The following ANKRD17 variants were observed in gnomAD, a reference collection of about 807,000 sequenced individuals.
The protein encoded by ANKRD17 is ankyrin repeat domain-containing protein 17.
Under a neutral mutation model 229.7 loss-of-function variants are expected in ANKRD17, and 19 were observed. The observed-to-expected ratio is 0.08, with a 90% CI of 0.06 to 0.12. ANKRD17 has a LOEUF of 0.12. ANKRD17 is among the 10% of genes least tolerant of loss of function. The pLI is 1.00. For synonymous variants in ANKRD17, 1,112 were observed against 1,146.1 expected (o/e 0.97, Z 0.60); for missense variants, 2,176 against 3,176.8 (o/e 0.68, Z 7.57).
At chr4:73,253,136 T>C (rs950470296) in intron 1 of ANKRD17, among the ~76,000 whole-genome samples, 4 of 152,210 alleles carry the variant, frequency 2.6e-5, no homozygotes, top group African/African-American at 9.7e-5. Context: ...CCTGATGAGG[T>C]TGCCTAAAAT....
chr4:73,239,269 T>C (rs1292500131), intron 1 of ANKRD17, among the ~76,000 whole-genome samples: 3 of 152,160 alleles, frequency 2.0e-5, no homozygotes, highest in Non-Finnish European at 2.9e-5. Context: ...GTTACAGAAA[T>C]AGATTCCCAT....
rs1722028638 is a variant in ANKRD17 at position 73,085,538 on chromosome 4, A to G, written c.6962-92T>C. The stretch of plus-strand genomic sequence containing the variant: ...TTCTAAAAGGCCCTAAATATATTCA[A>G]AACTATTTTAGATAATTAAAAAAAT... On this transcript the variant is annotated intron_variant, in intron 29 of 33. Coordinates refer to ENST00000358602, the MANE Select transcript of ANKRD17 (RefSeq NM_032217.5). 4 of 1,106,094 alleles carry G rather than the reference A, an allele frequency of 3.6e-6. No individual in the cohort carries two copies. The Admixed American group carries it at 6.9e-5, about 19-fold the overall frequency. The allele number at this position is 1,106,094 out of a possible 1,614,324, so 68.5% of individuals were successfully genotyped here. A position where few individuals can be genotyped will look rare whatever the true frequency, so the allele number is the denominator to read the frequency against.
chr4:73,204,730 A>G (rs543172934), intron 1 of ANKRD17, among the ~76,000 whole-genome samples: 1 of 152,176 alleles, frequency 6.6e-6, no homozygotes, highest in Non-Finnish European at 1.5e-5. Context: ...CAGACCAGAG[A>G]CATAAGAGAA....
At chr4:73,215,329 G>A (rs1459109276) in intron 1 of ANKRD17, among the ~76,000 whole-genome samples, 1 of 151,514 alleles carries the variant, frequency 6.6e-6, no homozygotes. Context: ...GTGCTATCTC[G>A]GCTCACTGCA....
intron 1 of ANKRD17, among the ~76,000 whole-genome samples, chr4:73,253,069 C>T (rs1293259483): frequency 6.6e-6 from 1 of 152,086 alleles, no homozygotes; most frequent in Non-Finnish European, 1.5e-5. Context: ...AATGAGGAGG[C>T]GTAGAATCTA....
chr4:73,090,219 G>T (rs555418314), intron 29 of ANKRD17, among the ~76,000 whole-genome samples: 22 of 152,244 alleles, frequency 1.4e-4, no homozygotes, highest in Admixed American at 4.6e-4. Context: ...AGACCAGCTT[G>T]GTCAACATGG....
At chr4:73,219,355 C>CA (rs34914964) in intron 1 of ANKRD17, among the ~76,000 whole-genome samples, 30,787 of 151,822 alleles carry the variant, frequency 0.2, 3,979 homozygotes, top group Non-Finnish European at 0.27. Context: ...ACGTATCTGT[C>CA]AAAAAAAGTC....
chr4:73,171,212 A>AGAGAGAGAGAGAGAGAGAGAGG (rs1560646177), intron 2 of ANKRD17, among the ~76,000 whole-genome samples: 1 of 151,458 alleles, frequency 6.6e-6, no homozygotes, highest in African/African-American at 2.4e-5. Context: ...AGAGAGAGAG[A>AGAGAGAGAGAGAGAGAGAGAGG]GAGAGAGAGA....
intron 1 of ANKRD17, among the ~76,000 whole-genome samples, chr4:73,199,127 C>T (rs1738289192): frequency 6.6e-6 from 1 of 151,968 alleles, no homozygotes; most frequent in Non-Finnish European, 1.5e-5. Flanking sequence ...AATCATGTTA[C>T]TGTTATAAAA....
At chr4:73,217,315 G>A (rs746095330) in intron 1 of ANKRD17, among the ~76,000 whole-genome samples, 2 of 151,870 alleles carry the variant, frequency 1.3e-5, no homozygotes, top group Non-Finnish European at 2.9e-5. Context: ...TTCTTTACAG[G>A]GATTAACTAA....
intron 1 of ANKRD17, among the ~76,000 whole-genome samples, chr4:73,185,682 T>C (rs538104444): frequency 6.6e-6 from 1 of 152,114 alleles, no homozygotes; most frequent in Non-Finnish European, 1.5e-5. Context: ...TAACACCACT[T>C]TGGCTACAAA....
At chr4:73,212,534 C>T (rs34788598) in intron 1 of ANKRD17, among the ~76,000 whole-genome samples, 2,548 of 151,882 alleles carry the variant, frequency 0.017, 28 homozygotes, top group Non-Finnish European at 0.024. Context: ...AGAGCTATCT[C>T]CCTTGACTTT....
At chr4:73,123,615 T>A (rs1727045546) in intron 18 of ANKRD17, among the ~76,000 whole-genome samples, 1 of 152,128 alleles carries the variant, frequency 6.6e-6, no homozygotes, top group African/African-American at 2.4e-5. Flanking sequence ...TCAGTTCTTT[T>A]TAATTTACAA....
At chr4:73,205,593 C>A (rs1739336714) in intron 1 of ANKRD17, among the ~76,000 whole-genome samples, 1 of 152,104 alleles carries the variant, frequency 6.6e-6, no homozygotes, top group African/African-American at 2.4e-5. Flanking sequence ...ACTCAACTCA[C>A]AATGGATTAA....
intron 30 of ANKRD17, among the ~76,000 whole-genome samples, chr4:73,082,157 A>C (rs1276496595): frequency 6.1e-5 from 1 of 16,422 alleles, no homozygotes; most frequent in East Asian, 1.6e-3. Context: ...CTTTTTATTT[A>C]AAAAAAAAAA....
intron 1 of ANKRD17, among the ~76,000 whole-genome samples, chr4:73,215,452 G>GT (rs1473514309): frequency 7.9e-5 from 12 of 152,208 alleles, no homozygotes; most frequent in Admixed American, 3.9e-4. Flanking sequence ...TAGAGACAGG[G>GT]TTTCACCATG....
At chr4:73,078,309 G>A (rs958721982) in intron 31 of ANKRD17, among the ~76,000 whole-genome samples, 4 of 152,076 alleles carry the variant, frequency 2.6e-5, no homozygotes, top group Non-Finnish European at 2.9e-5. Flanking sequence ...CCCGGGAGGC[G>A]GAGCTTGCAG....
chr4:73,146,921 G>C, intron 9 of ANKRD17, 48 bp from the exon 10 acceptor site: 1 of 1,446,434 alleles, frequency 6.9e-7, no homozygotes. Flanking sequence ...GGAGCCATAA[G>C]ACATATATGA....
chr4:73,210,975 T>A (rs574846030), intron 1 of ANKRD17, among the ~76,000 whole-genome samples: 173 of 152,282 alleles, frequency 1.1e-3, no homozygotes, highest in African/African-American at 4.0e-3. Flanking sequence ...TTACTAATTC[T>A]ACCTTTGTAT....
Sources: gnomAD v4.1 joint callset for allele counts (sites outside exome capture counted in the v4.1 genomes callset) on GRCh38, gnomAD v4.1.1 for gene constraint, MANE v1.5 for transcripts, NCBI Gene and HGNC (gene_info 2026-07-23, HGNC 2026-07-21) for gene names.